The following GLRA3 variants were observed in gnomAD, a reference collection of about 807,000 sequenced individuals.
GLRA3 encodes the protein glycine receptor alpha 3, also known as glycine receptor subunit alpha-3.
In GLRA3, 44 loss-of-function variants were observed where a neutral mutation model predicts 60.4. The observed-to-expected ratio is 0.73, with a 90% CI of 0.57 to 0.94. The LOEUF (loss-of-function observed/expected upper bound fraction) is 0.94. Ranked by LOEUF, GLRA3 falls within the 40% of genes least tolerant of loss-of-function variation. GLRA3 has a pLI of 0.00. For missense variants in GLRA3, 508 were observed against 564.6 expected (o/e 0.90, Z 1.02); for synonymous variants, 223 against 192.9 (o/e 1.16, Z -1.29).
At chr4:174,676,229 T>G in intron 7 of GLRA3, among the ~76,000 whole-genome samples, 1 of 152,152 alleles carries the variant, frequency 6.6e-6, no homozygotes, top group East Asian at 1.9e-4. Flanking sequence ...AATTTTATTT[T>G]AATTCTGGCA....
At chr4:174,699,020 C>T (rs550255524) in intron 5 of GLRA3, among the ~76,000 whole-genome samples, 20 of 146,312 alleles carry the variant, frequency 1.4e-4, no homozygotes, top group East Asian at 4.0e-4. Context: ...TTTTTGGAGA[C>T]GGGGTCTTGC....
At chr4:174,673,987 C>T (rs960476381) in intron 7 of GLRA3, among the ~76,000 whole-genome samples, 4 of 152,064 alleles carry the variant, frequency 2.6e-5, no homozygotes, top group African/African-American at 2.4e-5. Flanking sequence ...TATATTTTTT[C>T]AGAAACATTT....
chr4:174,733,642 G>A (rs1009290715), intron 3 of GLRA3, among the ~76,000 whole-genome samples: 8 of 152,082 alleles, frequency 5.3e-5, no homozygotes, highest in Admixed American at 1.3e-4. Flanking sequence ...TTATTCAAAC[G>A]AGGCAACCTT....
intron 3 of GLRA3, among the ~76,000 whole-genome samples, chr4:174,729,549 G>T (rs1736474273): frequency 1.3e-5 from 2 of 152,206 alleles, no homozygotes; most frequent in African/African-American, 4.8e-5. Context: ...AGGAGTCAAT[G>T]ATTTCAACTA....
chr4:174,728,652 C>G lies in GLRA3; in HGVS notation c.314G>C (p.Arg105Pro). 1 of 1,610,062 alleles carries G rather than the reference C, an allele frequency of 6.2e-7. No individual in the cohort carries two copies. The highest frequency in any genetic ancestry group is 8.5e-7 in the Non-Finnish European group (1 of 1,176,844). The change falls in exon 4 of 10, where the codon CGC becomes CCC. Residue 105 changes from arginine to proline, a missense_variant. Coordinates refer to ENST00000274093, the MANE Select transcript of GLRA3 (RefSeq NM_006529.4). ...IFLRQKWNDP[R>P]LAYSEYPDDS... Reference sequence around the variant, plus strand: ...GTCAGGATATTCACTGTACGCGAGGCGGGGATCATTCCATTTCTGACGAAG... The same window carrying G: ...GTCAGGATATTCACTGTACGCGAGGGGGGGATCATTCCATTTCTGACGAAG...
At chr4:174,668,905 C>T (rs745771382) in intron 7 of GLRA3, among the ~76,000 whole-genome samples, 1 of 152,090 alleles carries the variant, frequency 6.6e-6, no homozygotes, top group Non-Finnish European at 1.5e-5. Context: ...GTAATTGGTT[C>T]TTCCTTTAAT....
At chr4:174,669,156 C>T (rs1371471074) in intron 7 of GLRA3, among the ~76,000 whole-genome samples, 1 of 151,944 alleles carries the variant, frequency 6.6e-6, no homozygotes, top group Non-Finnish European at 1.5e-5. Flanking sequence ...TACCCTTAAT[C>T]CTACATTTCT....
intron 1 of GLRA3, among the ~76,000 whole-genome samples, chr4:174,818,938 A>G (rs1000087728): frequency 7.2e-5 from 11 of 152,216 alleles, no homozygotes; most frequent in African/African-American, 2.4e-4. Flanking sequence ...GTAATTTACA[A>G]AGGCAGATTG....
intron 2 of GLRA3, among the ~76,000 whole-genome samples, chr4:174,783,166 G>A (rs969694148): frequency 0.014 from 2,074 of 151,526 alleles, 20 homozygotes; most frequent in Non-Finnish European, 0.019. Context: ...ATAACGCCGC[G>A]TATCTACAAC....
intron 2 of GLRA3, among the ~76,000 whole-genome samples, chr4:174,779,867 G>A (rs1469052886): frequency 2.0e-5 from 3 of 151,992 alleles, no homozygotes; most frequent in African/African-American, 7.3e-5. Flanking sequence ...GGGGAGAATG[G>A]AACCAAGTTG....
intron 7 of GLRA3, among the ~76,000 whole-genome samples, chr4:174,662,823 GTT>G (rs56099276): frequency 1.5e-3 from 197 of 127,528 alleles, no homozygotes; most frequent in African/African-American, 5.4e-3. Flanking sequence ...GTTATTCCTT[GTT>G]TTTTTTTTTT....
At chr4:174,777,237 T>C (rs550109757) in intron 2 of GLRA3, among the ~76,000 whole-genome samples, 17 of 152,330 alleles carry the variant, frequency 1.1e-4, no homozygotes, top group South Asian at 6.2e-4. Flanking sequence ...TAAATGTCAG[T>C]AGGCAATGAA....
chr4:174,808,991 A>G (rs2111363201), intron 1 of GLRA3, among the ~76,000 whole-genome samples: 1 of 152,310 alleles, frequency 6.6e-6, no homozygotes, highest in Non-Finnish European at 1.5e-5. Flanking sequence ...CTAAGGGCAC[A>G]GTGTTTAAAA....
intron 7 of GLRA3, among the ~76,000 whole-genome samples, chr4:174,669,911 A>G (rs1390382389): frequency 6.6e-6 from 1 of 152,220 alleles, no homozygotes; most frequent in Non-Finnish European, 1.5e-5. Context: ...ACAGAGAATC[A>G]CATAATAACA....
At chr4:174,719,846 A>G (rs1736070235) in intron 4 of GLRA3, among the ~76,000 whole-genome samples, 1 of 152,222 alleles carries the variant, frequency 6.6e-6, no homozygotes, top group African/African-American at 2.4e-5. Flanking sequence ...CATGCATTTT[A>G]TAGCATTGTA....
chr4:174,735,425 G>T (rs1007235228), intron 3 of GLRA3, among the ~76,000 whole-genome samples: 7 of 152,160 alleles, frequency 4.6e-5, no homozygotes, highest in Admixed American at 2.0e-4. Flanking sequence ...CCTGAAATTT[G>T]CATCACAAAT....
chr4:174,775,031 ATAAT>A (rs958778000), intron 2 of GLRA3, among the ~76,000 whole-genome samples: 5 of 152,286 alleles, frequency 3.3e-5, no homozygotes, highest in African/African-American at 7.2e-5. Context: ...TACTACAGAA[ATAAT>A]TAATTAAAAA....
chr4:174,667,435 G>T (rs1226892602), intron 7 of GLRA3, among the ~76,000 whole-genome samples: 1 of 152,110 alleles, frequency 6.6e-6, no homozygotes, highest in Admixed American at 6.6e-5. Context: ...TTGTTAAAGA[G>T]AAAAACTCAC....
chr4:174,816,846 C>A (rs999667160), intron 1 of GLRA3, among the ~76,000 whole-genome samples: 1 of 151,708 alleles, frequency 6.6e-6, no homozygotes, highest in African/African-American at 2.4e-5. Context: ...AATTTTAATT[C>A]TTGTGGGTAC....
Sources: gnomAD v4.1 joint callset for allele counts (sites outside exome capture counted in the v4.1 genomes callset) on GRCh38, gnomAD v4.1.1 for gene constraint, MANE v1.5 for transcripts, NCBI Gene and HGNC (gene_info 2026-07-23, HGNC 2026-07-21) for gene names.